Variants in CACNA2D3 observed in about 807,000 individuals in gnomAD.
CACNA2D3 encodes voltage-dependent calcium channel subunit alpha-2/delta-3.
A neutral mutation model predicts 160.6 loss-of-function variants in CACNA2D3; 60 were observed. The ratio of observed to expected loss-of-function variants is 0.37; its 90% CI spans 0.30 to 0.46. The LOEUF (loss-of-function observed/expected upper bound fraction) is 0.46, where lower values mean the gene tolerates loss of function less well. CACNA2D3 is among the 20% of genes least tolerant of loss of function. The probability of loss-of-function intolerance (pLI) is 1.00; values close to 1 mark genes in which losing one functional copy is unlikely to be tolerated. For missense variants in CACNA2D3, 1,205 were observed against 1,365.0 expected (o/e 0.88, Z 1.85); for synonymous variants, 558 against 492.9 (o/e 1.13, Z -1.75).
intron 5 of CACNA2D3, among the ~76,000 whole-genome samples, chr3:54,540,236 A>G (rs1314483440): frequency 6.6e-6 from 1 of 152,214 alleles, no homozygotes; most frequent in Non-Finnish European, 1.5e-5. Context: ...ATTCAGCGGC[A>G]TCCTCAAACC....
At chr3:54,448,274 G>A (rs1424504309) in intron 4 of CACNA2D3, among the ~76,000 whole-genome samples, 1 of 152,158 alleles carries the variant, frequency 6.6e-6, no homozygotes, top group Non-Finnish European at 1.5e-5. Flanking sequence ...TGAAAAATTA[G>A]CTAAGACCTA....
chr3:54,741,676 T>G (rs1318244316), intron 11 of CACNA2D3, among the ~76,000 whole-genome samples: 1 of 152,018 alleles, frequency 6.6e-6, no homozygotes. Context: ...TCCATGTATG[T>G]GTTGGTCTGC....
Position 54,827,889 on chromosome 3 carries a change from G to C in CACNA2D3, c.1399-9270G>C, listed in dbSNP as rs558008819. ...TGCTAAATGCCGTGGATGAAAAGAGGAATCTTTCCCAGCTTCTGCCCTTGG... is the reference window on the plus strand; with the variant it reads ...TGCTAAATGCCGTGGATGAAAAGAGCAATCTTTCCCAGCTTCTGCCCTTGG... On this transcript the variant is annotated intron_variant, in intron 14 of 37. Transcript: ENST00000474759. Among the ~76,000 whole-genome samples, 21 of 152,304 alleles carry C rather than the reference G, an allele frequency of 1.4e-4. 1 individual carries two copies. Among genetic ancestry groups the C allele is most frequent in the African/African-American group, 5.1e-4 (21 of 41,568 alleles).
At chr3:54,809,788 T>C (rs1382646923) in intron 13 of CACNA2D3, among the ~76,000 whole-genome samples, 1 of 151,854 alleles carries the variant, frequency 6.6e-6, no homozygotes, top group Admixed American at 6.6e-5. Flanking sequence ...CATTTCCCTC[T>C]TTCCCTCCTT....
chr3:54,602,619 A>G (rs1703084780), intron 9 of CACNA2D3, among the ~76,000 whole-genome samples: 1 of 152,198 alleles, frequency 6.6e-6, no homozygotes, highest in East Asian at 1.9e-4. Context: ...TCACACACCC[A>G]TGAAGCTAAC....
chr3:54,497,762 A>G (rs1211698513), intron 4 of CACNA2D3, among the ~76,000 whole-genome samples: 2 of 151,972 alleles, frequency 1.3e-5, no homozygotes, highest in African/African-American at 4.8e-5. Context: ...CATTAGGTTG[A>G]AGATATTTTT....
intron 24 of CACNA2D3, among the ~76,000 whole-genome samples, 186 bp from the exon 25 acceptor site, chr3:54,891,168 GC>G (rs1700056269): frequency 1.5e-5 from 2 of 137,310 alleles, no homozygotes; most frequent in Admixed American, 1.5e-4. Flanking sequence ...ATACAAGTTG[GC>G]AATCTGTGCT....
At chr3:54,938,983 G>A (rs956114651) in intron 27 of CACNA2D3, among the ~76,000 whole-genome samples, 1 of 152,152 alleles carries the variant, frequency 6.6e-6, no homozygotes, top group Non-Finnish European at 1.5e-5. Flanking sequence ...GATCTGAAAA[G>A]GGTAGCACAC....
At chr3:54,875,481 C>G (rs1179370706) in intron 18 of CACNA2D3, 2 of 152,168 alleles carry the variant, frequency 1.3e-5, no homozygotes, top group African/African-American at 4.8e-5. Context: ...GGCTCACGTT[C>G]TAATGTGGAC....
chr3:54,734,026 A>G (rs566152896), intron 11 of CACNA2D3, among the ~76,000 whole-genome samples: 2 of 152,148 alleles, frequency 1.3e-5, no homozygotes, highest in East Asian at 3.9e-4. Context: ...CTATGAGTGC[A>G]TATCATTTGG....
At chr3:54,838,423 A>T (rs1043099210) in intron 15 of CACNA2D3, 145 bp from the exon 16 acceptor site, 6 of 678,766 alleles carry the variant, frequency 8.8e-6, no homozygotes, top group Non-Finnish European at 1.6e-5. Context: ...GATAGAAGAG[A>T]CCATTCTTGG....
intron 2 of CACNA2D3, among the ~76,000 whole-genome samples, chr3:54,228,567 G>A (rs1319956897): frequency 2.0e-5 from 3 of 152,160 alleles, no homozygotes; most frequent in Non-Finnish European, 4.4e-5. Context: ...AACTTCATGG[G>A]GATTCTAGTC....
chr3:55,052,266 G>A (rs984551708), intron 35 of CACNA2D3, among the ~76,000 whole-genome samples: 2 of 151,978 alleles, frequency 1.3e-5, no homozygotes, highest in African/African-American at 2.4e-5. Context: ...TACTGATTTG[G>A]AGTTCTATTT....
chr3:54,888,098 A>G (rs762830239), intron 24 of CACNA2D3, 46 bp downstream of exon 24: 2 of 1,345,274 alleles, frequency 1.5e-6, no homozygotes, highest in Non-Finnish European at 2.1e-6. Flanking sequence ...TTCCTCACCA[A>G]CACTCCGAAA....
intron 14 of CACNA2D3, among the ~76,000 whole-genome samples, chr3:54,822,787 T>TTTCTTTCCTTCCTTCCTTCC: frequency 1.4e-5 from 1 of 70,714 alleles, no homozygotes; most frequent in East Asian, 5.5e-4. Context: ...TCTTTCTTTC[T>TTTCTTTCCTTCCTTCCTTCC]TTCCTTTCTT....
intron 9 of CACNA2D3, 26 bp downstream of exon 9, chr3:54,581,903 C>A: frequency 6.3e-7 from 1 of 1,590,272 alleles, no homozygotes. Flanking sequence ...GGGAGCATTC[C>A]AGTCATGGTA....
chr3:54,980,352 C>G (rs57579658), intron 29 of CACNA2D3, among the ~76,000 whole-genome samples: 2,633 of 152,250 alleles, frequency 0.017, 68 homozygotes, highest in African/African-American at 0.06. Context: ...ACCTCTTTAA[C>G]TTTAGTCAAT....
intron 2 of CACNA2D3, among the ~76,000 whole-genome samples, chr3:54,161,934 C>T (rs905886239): frequency 3.9e-5 from 6 of 152,276 alleles, no homozygotes; most frequent in African/African-American, 1.2e-4. Context: ...TTTAGCAGCT[C>T]ATAATCTGGT....
chr3:54,367,593 G>A (rs1205713166), intron 3 of CACNA2D3: 2 of 392,622 alleles, frequency 5.1e-6, no homozygotes, highest in East Asian at 9.5e-5. Context: ...GTTAAGGCAA[G>A]AGAGAAGCAC....
Sources: gnomAD v4.1 joint callset for allele counts (sites outside exome capture counted in the v4.1 genomes callset) on GRCh38, gnomAD v4.1.1 for gene constraint, MANE v1.5 for transcripts, NCBI Gene and HGNC (gene_info 2026-07-23, HGNC 2026-07-21) for gene names.